Variants in ASMTL observed in about 807,000 individuals in gnomAD.
The protein encoded by ASMTL is probable bifunctional dTTP/UTP pyrophosphatase/methyltransferase protein.
Under a neutral mutation model 60.3 loss-of-function variants are expected in ASMTL, and 57 were observed. The observed-to-expected ratio is 0.95, with a 90% CI of 0.76 to 1.18. ASMTL has a LOEUF of 1.18. ASMTL is among the 50% of genes most tolerant of loss of function. The pLI is 0.00. For synonymous variants in ASMTL, 419 were observed against 373.0 expected, an observed-to-expected ratio of 1.12 and a Z score of -1.42; for missense variants, 981 against 852.6, an observed-to-expected ratio of 1.15 and a Z score of -1.88.
At position 1,419,011 on chromosome X, in the gene ASMTL, G is replaced by A; in HGVS notation, c.1349C>T (p.Ser450Phe). 1 of 1,611,842 alleles carries A rather than the reference G, an allele frequency of 6.2e-7. No individual in the cohort carries two copies. Among genetic ancestry groups the A allele is most frequent in the Non-Finnish European group, 8.5e-7 (1 of 1,179,798 alleles). ...ACQVATAFNL[S>F]RFSSACDVGG... ...CACGTCGCAGGCGGAGGAGAAGCGG[G>A]ACAGATTGAAGGCCGTGGCCACCTG... Residue 450 changes from serine (S) to phenylalanine (F), a missense_variant, in exon 10 of 13, where the codon TCC becomes TTC. Physicochemically the swap from Ser to Phe is radical, Grantham distance 155. Coordinates refer to ENST00000381317, the MANE Select transcript of ASMTL (RefSeq NM_004192.4).
At chrX:1,446,940 C>T (rs1297593724) in intron 1 of ASMTL, among the ~76,000 whole-genome samples, 2 of 152,210 alleles carry the variant, frequency 1.3e-5, no homozygotes, top group East Asian at 3.8e-4. Flanking sequence ...GAATTAAATT[C>T]TAATTTTTCT....
rs1372057352 is a variant in ASMTL, at chrX:1,452,893, T to C, written c.-53A>G. 1 of 1,377,794 alleles carries C rather than the reference T, an allele frequency of 7.3e-7. No individual in the cohort carries two copies. Among genetic ancestry groups the C allele is most frequent in the Non-Finnish European group, 9.7e-7 (1 of 1,032,464 alleles). 85.3% of individuals were successfully genotyped at this position (1,377,794 alleles called of 1,614,324 possible). On this transcript the variant is annotated 5_prime_UTR_variant, in exon 1 of 13. Transcript: ENST00000381317. ...GCACTTCTGAGCCCGGAGCCCGCGGTGCGCGCAGCGCGGCTGCAAAAAAAA... is the reference window on the plus strand; with the variant it reads ...GCACTTCTGAGCCCGGAGCCCGCGGCGCGCGCAGCGCGGCTGCAAAAAAAA...
intron 6 of ASMTL, among the ~76,000 whole-genome samples, chrX:1,430,927 A>G (rs1263217312): frequency 7.3e-6 from 1 of 136,448 alleles, no homozygotes; most frequent in African/African-American, 3.0e-5. Flanking sequence ...AATACATTAT[A>G]TATTATATAT....
chrX:1,433,667 G>A (rs777165287), intron 5 of ASMTL, among the ~76,000 whole-genome samples: 18 of 151,662 alleles, frequency 1.2e-4, no homozygotes, highest in African/African-American at 3.6e-4. Flanking sequence ...GCGATAAAGC[G>A]AGACTCTGTC....
At chrX:1,431,915 CAG>C (rs2090800911) in intron 6 of ASMTL, 1 of 278,068 alleles carries the variant, frequency 3.6e-6, no homozygotes, top group Non-Finnish European at 6.8e-6. Context: ...CTTTGGATCA[CAG>C]AGTTTATTCG....
rs764822354 is a variant in ASMTL, at chrX:1,452,855, G to A, written c.-15C>T. ...CACAGCACCATGGCGTCCACGCCGG[G>A]AGCCGGGCGTCCGCACTTCTGAGCC... is the stretch of plus-strand genomic sequence containing the variant. On this transcript the variant is annotated 5_prime_UTR_variant, in exon 1 of 13. Transcript: ENST00000381317. 1.9e-6 allele frequency: 3 copies of A among 1,550,910 alleles called. No homozygotes were observed. Among genetic ancestry groups the A allele is most frequent in the South Asian group, 1.2e-5 (1 of 84,680 alleles).
chrX:1,404,334 A>G (rs1349469152), intron 12 of ASMTL, among the ~76,000 whole-genome samples: 6 of 151,004 alleles, frequency 4.0e-5, no homozygotes, highest in African/African-American at 1.5e-4. Context: ...AGATGAATGG[A>G]TGGATAGATG....
In ASMTL at chrX:1,403,214, G is replaced by T; in HGVS notation, c.*55C>A. ...GTCCTATGGTACTTGGGGACCGGGCGGTCCACCTGCAGCCTGGGGGAGGAC... is the reference window on the plus strand; with the variant it reads ...GTCCTATGGTACTTGGGGACCGGGCTGTCCACCTGCAGCCTGGGGGAGGAC... On this transcript the variant is annotated 3_prime_UTR_variant, in exon 13 of 13. Transcript: ENST00000381317. 1 of 1,472,054 alleles carries T rather than the reference G, an allele frequency of 6.8e-7. No individual in the cohort carries two copies. Among genetic ancestry groups the T allele is most frequent in the Non-Finnish European group, 9.5e-7 (1 of 1,055,278 alleles). The allele number at this position is 1,472,054 out of a possible 1,614,324, so 91.2% of individuals were successfully genotyped here.
intron 1 of ASMTL, among the ~76,000 whole-genome samples, chrX:1,442,925 C>T (rs747146042): frequency 6.6e-6 from 1 of 152,336 alleles, no homozygotes; most frequent in South Asian, 2.1e-4. Context: ...CTGCCACACC[C>T]TGCCAGGGTG....
intron 11 of ASMTL, among the ~76,000 whole-genome samples, chrX:1,415,014 C>T (rs1342786289): frequency 1.3e-5 from 2 of 151,924 alleles, no homozygotes; most frequent in African/African-American, 4.8e-5. Flanking sequence ...GATCTCGGCT[C>T]ACGGCAAGCT....
chrX:1,432,787 C>A (rs1474823757), intron 5 of ASMTL, among the ~76,000 whole-genome samples: 1 of 152,156 alleles, frequency 6.6e-6, no homozygotes, highest in Non-Finnish European at 1.5e-5. Context: ...CGAGATCGCG[C>A]CCCTGCATTC....
At chrX:1,413,575 T>C (rs1398860420) in intron 11 of ASMTL, among the ~76,000 whole-genome samples, 2 of 152,216 alleles carry the variant, frequency 1.3e-5, no homozygotes, top group African/African-American at 4.8e-5. Flanking sequence ...AATAAAAAGA[T>C]GGTCTGCTGT....
At chrX:1,427,710 G>A in intron 7 of ASMTL, 24 bp downstream of exon 7, 1 of 1,584,306 alleles carries the variant, frequency 6.3e-7, no homozygotes, top group Non-Finnish European at 8.6e-7. Flanking sequence ...GTGAAATGTG[G>A]CCTGAGGAGA....
At chrX:1,440,688 C>G (rs1480716090) in intron 2 of ASMTL, among the ~76,000 whole-genome samples, 3 of 152,148 alleles carry the variant, frequency 2.0e-5, no homozygotes, top group African/African-American at 7.2e-5. Flanking sequence ...AATCCCAACA[C>G]TCCGGGAGGC....
chrX:1,453,151 T>C (rs2091438043), upstream of ASMTL, among the ~76,000 whole-genome samples: 1 of 144,998 alleles, frequency 6.9e-6, no homozygotes, highest in Non-Finnish European at 1.5e-5. Flanking sequence ...ACGCCTCCAT[T>C]GCCCTCTCCG....
chrX:1,432,033 C>G, intron 6 of ASMTL: 1 of 583,466 alleles, frequency 1.7e-6, no homozygotes, highest in Admixed American at 3.0e-5. Flanking sequence ...CCACCGCAGC[C>G]CAGCGTTGGC....
At position 1,432,358 on chromosome X, in the gene ASMTL, C is replaced by T. The variant is rs1294385838; in HGVS notation, c.420G>A (p.Arg140=). The T allele has an allele frequency of 5.0e-6, 8 of 1,613,004 alleles. No individual in the cohort carries two copies. Among genetic ancestry groups the T allele is most frequent in the Admixed American group, 1.7e-5 (1 of 59,926 alleles). Residue 140 remains arginine (R), a synonymous_variant, in exon 6 of 13, where the codon AGG becomes AGA. Transcript: ENST00000381317. ...CSSKDHQLDT[R]VSEFYEETKV... is the part of the protein sequence containing the mutation. The stretch of plus-strand genomic sequence containing the variant: ...TCGTTTCCTCGTAGAATTCCGAGAC[C>T]CTGGTGTCCAGCTGATGGTCTGCAA...
intron 2 of ASMTL, among the ~76,000 whole-genome samples, chrX:1,440,085 CTT>C (rs1569534500): frequency 1.3e-4 from 19 of 149,736 alleles, no homozygotes; most frequent in Middle Eastern, 3.4e-3. Flanking sequence ...GTATTTCTTT[CTT>C]TCTTTTTTTT....
At chrX:1,411,815 T>C (rs1457135726) in intron 12 of ASMTL, among the ~76,000 whole-genome samples, 4 of 111,562 alleles carry the variant, frequency 3.6e-5, no homozygotes, top group African/African-American at 5.9e-5. Flanking sequence ...TCTTTTTTTT[T>C]TTTTTTTTTT....
Sources: gnomAD v4.1 joint callset for allele counts (sites outside exome capture counted in the v4.1 genomes callset) on GRCh38, gnomAD v4.1.1 for gene constraint, MANE v1.5 for transcripts, NCBI Gene and HGNC (gene_info 2026-07-23, HGNC 2026-07-21) for gene names.